The following PKP4 variants were observed in gnomAD, a reference collection of about 807,000 sequenced individuals.
PKP4 encodes plakophilin-4.
PKP4 carries 90 observed loss-of-function variants against 145.1 expected under a neutral mutation model. That is an observed-to-expected ratio of 0.62 (90% CI 0.52 to 0.74). PKP4 has a LOEUF of 0.74. Among genes scored for constraint, PKP4 ranks in the 30% least tolerant of loss-of-function variants. PKP4 has a pLI of 0.00. For synonymous variants in PKP4, 563 were observed against 577.2 expected (o/e 0.98, Z 0.35); for missense variants, 1,340 against 1,482.7 (o/e 0.90, Z 1.58).
chr2:158,505,191 A>G (rs1198040276), intron 1 of PKP4, among the ~76,000 whole-genome samples: 1 of 152,234 alleles, frequency 6.6e-6, no homozygotes, highest in Non-Finnish European at 1.5e-5. Flanking sequence ...TTTGTTAGCC[A>G]TACAGGTATA....
At chr2:158,608,963 A>G (rs1280105083) in intron 4 of PKP4, among the ~76,000 whole-genome samples, 1 of 151,182 alleles carries the variant, frequency 6.6e-6, no homozygotes, top group Non-Finnish European at 1.5e-5. Flanking sequence ...ATAAGCGTGC[A>G]CCACCATGCC....
At chr2:158,489,938 C>G (rs554170199) in intron 1 of PKP4, among the ~76,000 whole-genome samples, 6 of 152,166 alleles carry the variant, frequency 3.9e-5, no homozygotes, top group Non-Finnish European at 7.4e-5. Context: ...ACTTCACCCC[C>G]TTCCCCCGTG....
At chr2:158,640,456 C>T (rs1284432238) in intron 9 of PKP4, among the ~76,000 whole-genome samples, 171 bp from the exon 10 acceptor site, 2 of 152,116 alleles carry the variant, frequency 1.3e-5, no homozygotes, top group African/African-American at 4.8e-5. Flanking sequence ...GCATCTGGGC[C>T]TCTGCATATG....
intron 7 of PKP4, among the ~76,000 whole-genome samples, chr2:158,625,921 G>A (rs2052736092): frequency 1.3e-5 from 2 of 152,002 alleles, no homozygotes; most frequent in South Asian, 2.1e-4. Flanking sequence ...GCATTTTAAC[G>A]GTAAATGCAC....
intron 11 of PKP4, among the ~76,000 whole-genome samples, chr2:158,656,246 A>G (rs573101814): frequency 1.3e-5 from 2 of 152,158 alleles, no homozygotes; most frequent in African/African-American, 2.4e-5. Context: ...GTTTAAAACC[A>G]TTGCCCAAAA....
intron 1 of PKP4, among the ~76,000 whole-genome samples, chr2:158,495,271 C>G (rs1695517484): frequency 6.6e-6 from 1 of 150,476 alleles, no homozygotes. Flanking sequence ...GGCTGACAAA[C>G]ACTGGAAAGA....
intron 3 of PKP4, among the ~76,000 whole-genome samples, chr2:158,580,295 T>A (rs1574598139): frequency 6.6e-6 from 1 of 152,320 alleles, no homozygotes; most frequent in East Asian, 1.9e-4. Context: ...CCTGTCTGGT[T>A]CTCAGTGCCT....
chr2:158,673,573 C>G, intron 17 of PKP4, 104 bp from the exon 18 acceptor site: 1 of 829,618 alleles, frequency 1.2e-6, no homozygotes, highest in Non-Finnish European at 2.1e-6. Context: ...CCCTGTGGCC[C>G]TGAGAGCGAT....
chr2:158,601,357 A>T (rs2050213051), intron 3 of PKP4, among the ~76,000 whole-genome samples: 1 of 152,242 alleles, frequency 6.6e-6, no homozygotes, highest in Non-Finnish European at 1.5e-5. Context: ...GTATTTTAAT[A>T]TTGACATAAA....
chr2:158,512,755 A>G, intron 1 of PKP4, among the ~76,000 whole-genome samples: 1 of 152,246 alleles, frequency 6.6e-6, no homozygotes, highest in South Asian at 2.1e-4. Context: ...CCCTAAAGTC[A>G]CATCACAGAA....
At chr2:158,643,718 AAAAAAAAAAAG>A (rs2054537869) in intron 11 of PKP4, among the ~76,000 whole-genome samples, 1 of 118,972 alleles carries the variant, frequency 8.4e-6, no homozygotes, top group Non-Finnish European at 1.9e-5. Flanking sequence ...GTTTCAAAAA[AAAAAAAAAAAG>A]AAAAGAAAAC....
At chr2:158,468,128 A>G (rs1476618057) in intron 1 of PKP4, among the ~76,000 whole-genome samples, 1 of 152,236 alleles carries the variant, frequency 6.6e-6, no homozygotes, top group Non-Finnish European at 1.5e-5. Flanking sequence ...CTCTGGGGGA[A>G]ATGCCCAGGA....
chr2:158,532,593 A>G (rs77827155), intron 1 of PKP4, among the ~76,000 whole-genome samples: 5 of 152,288 alleles, frequency 3.3e-5, no homozygotes, highest in Non-Finnish European at 7.4e-5. Flanking sequence ...CACTGCTCTC[A>G]CTATGTGTTG....
chr2:158,640,313 A>C (rs1259012324), intron 9 of PKP4, among the ~76,000 whole-genome samples: 2 of 152,198 alleles, frequency 1.3e-5, no homozygotes, highest in Admixed American at 1.3e-4. Context: ...GATTTCTTAC[A>C]TAGGTAGAAA....
intron 4 of PKP4, among the ~76,000 whole-genome samples, chr2:158,613,416 A>T (rs906420976): frequency 6.6e-6 from 1 of 152,228 alleles, no homozygotes; most frequent in African/African-American, 2.4e-5. Context: ...GCCCTAATGA[A>T]ATAATTCAAG....
intron 2 of PKP4, among the ~76,000 whole-genome samples, chr2:158,557,606 GTAT>G (rs2046205347): frequency 6.6e-6 from 1 of 152,126 alleles, no homozygotes; most frequent in Non-Finnish European, 1.5e-5. Flanking sequence ...GCCAGATCCT[GTAT>G]TTTTACCTGT....
intron 1 of PKP4, among the ~76,000 whole-genome samples, chr2:158,484,004 C>A (rs990761378): frequency 6.6e-6 from 1 of 150,716 alleles, no homozygotes. Flanking sequence ...ATAACAAGAA[C>A]GTGCACAGTT....
Position 158,521,382 on chromosome 2 carries a change from A to AT in PKP4, c.-5-11790dup, listed in dbSNP as rs201616313. Reference sequence around the variant, plus strand: ...CCTCTTCGTACAAACCTTTTGCTTAATTTTTTTTACCAGATTATCTTGCAG... The same window carrying AT: ...CCTCTTCGTACAAACCTTTTGCTTAATTTTTTTTTACCAGATTATCTTGCAG... On this transcript the variant is annotated intron_variant, in intron 1 of 21. Coordinates refer to ENST00000389759, the MANE Select transcript of PKP4 (RefSeq NM_003628.6). Among the ~76,000 whole-genome samples, 841 of 152,188 alleles carry AT rather than the reference A, an allele frequency of 5.5e-3. 8 individuals are homozygous for AT. The highest frequency in any genetic ancestry group is 0.019 in the African/African-American group (782 of 41,530).
chr2:158,469,023 C>T (rs993138337), intron 1 of PKP4, among the ~76,000 whole-genome samples: 1 of 152,004 alleles, frequency 6.6e-6, no homozygotes, highest in South Asian at 2.1e-4. Flanking sequence ...AAGCAATCCT[C>T]CTGCCTCAGC....
Sources: gnomAD v4.1 joint callset for allele counts (sites outside exome capture counted in the v4.1 genomes callset) on GRCh38, gnomAD v4.1.1 for gene constraint, MANE v1.5 for transcripts, NCBI Gene and HGNC (gene_info 2026-07-23, HGNC 2026-07-21) for gene names.